KIF13A: variants seen among roughly 807,000 people sequenced by gnomAD.
The protein encoded by KIF13A is kinesin family member 13A.
In KIF13A, 79 loss-of-function variants were observed where a neutral mutation model predicts 212.2. The observed-to-expected ratio is 0.37, with a 90% confidence interval of 0.31 to 0.45. The LOEUF is 0.45. Ranked by LOEUF, KIF13A falls within the 20% of genes least tolerant of loss-of-function variation. The pLI is 1.00. For missense variants in KIF13A, 1,901 were observed against 2,209.0 expected (o/e 0.86, Z 2.79); for synonymous variants, 789 against 808.6 (o/e 0.98, Z 0.41).
At chr6:17,788,869 C>T (rs769075816) in intron 26 of KIF13A, among the ~76,000 whole-genome samples, 2 of 152,168 alleles carry the variant, frequency 1.3e-5, no homozygotes, top group Non-Finnish European at 2.9e-5. Context: ...GGATTATAGG[C>T]GCGCGCCACC....
Position 17,918,345 on chromosome 6 carries a change from C to T in KIF13A, c.147-20165G>A, listed in dbSNP as rs146992749. Among the ~76,000 whole-genome samples the T allele has an allele frequency of 4.8e-4, 73 of 152,198 alleles. No individual in the cohort carries two copies. The highest frequency in any genetic ancestry group is 3.4e-3 in the Middle Eastern group (1 of 294). On this transcript the variant is annotated intron_variant, in intron 2 of 38. Coordinates refer to ENST00000259711, the MANE Select transcript of KIF13A (RefSeq NM_022113.6). The surrounding 1 kb of genome is among the most constrained non-coding windows in gnomAD (Gnocchi z 4.8). ...TGTAGACCAAAAGAATGTAAATGTC[C>T]CACACTGCCATTTATGACAAGTTGT...
rs547636730 is a variant in KIF13A, at chr6:17,934,586, G to A, written c.147-36406C>T. On this transcript the variant is annotated intron_variant, in intron 2 of 38. Coordinates refer to ENST00000259711, the MANE Select transcript of KIF13A (RefSeq NM_022113.6). This position sits in a 1 kb window ranked among gnomAD's most constrained non-coding sequence, Gnocchi z 5.4. ...GAGGATCACTTGAGCCCAGAAATTC[G>A]AGACCAGCCTGGGCAACATAGGGAA... 7.9e-5 allele frequency among the ~76,000 whole-genome samples: 12 copies of A among 152,138 alleles called. No individual in the cohort carries two copies. The highest frequency in any genetic ancestry group is 1.9e-4 in the East Asian group (1 of 5,174).
chr6:17,899,957 T>C lies in KIF13A; in HGVS notation c.147-1777A>G, dbSNP rs1268606993. On this transcript the variant is annotated intron_variant, in intron 2 of 38. Transcript: ENST00000259711. The surrounding 1 kb of genome is among the most constrained non-coding windows in gnomAD (Gnocchi z 5.2). ...CAGGAAGGCCTCAGTTCTAAGAAGG[T>C]AGAACAATAATAAAACTTTATGAAC... is the stretch of plus-strand genomic sequence containing the variant. Among the ~76,000 whole-genome samples the C allele has an allele frequency of 1.3e-5, 2 of 152,192 alleles. No homozygotes were observed. Among genetic ancestry groups the C allele is most frequent in the African/African-American group, 2.4e-5 (1 of 41,446 alleles).
In KIF13A at chr6:17,926,053, A is replaced by G. The variant is rs1021996021; in HGVS notation, c.147-27873T>C. 1.3e-5 allele frequency among the ~76,000 whole-genome samples: 2 copies of G among 152,152 alleles called. No individual in the cohort carries two copies. The highest frequency in any genetic ancestry group is 2.9e-5 in the Non-Finnish European group (2 of 68,014). ...GCTGTATCTATGATGCTCTTATGTA[A>G]AATGCTCATCTTATAATGAAGATGT... On this transcript the variant is annotated intron_variant, in intron 2 of 38. Transcript: ENST00000259711. This position sits in a 1 kb window ranked among gnomAD's most constrained non-coding sequence, Gnocchi z 4.3.
chr6:17,917,198 C>A (rs1158908203), intron 2 of KIF13A, among the ~76,000 whole-genome samples: 1 of 147,830 alleles, frequency 6.8e-6, no homozygotes, highest in African/African-American at 2.5e-5. Flanking sequence ...GGAGGGGGAA[C>A]TAACATTATT....
chr6:17,917,146 ACACTTTACTCACATATTCTACTCTACG>A (rs1468509818), intron 2 of KIF13A, among the ~76,000 whole-genome samples: 2 of 151,984 alleles, frequency 1.3e-5, no homozygotes, highest in African/African-American at 2.4e-5. Flanking sequence ...TGATGCCAGA[ACACTTTACTCACATATTCTACTCTACG>A]GGAAGGAGGA....
rs199640302 is a variant in KIF13A at position 17,785,659 on chromosome 6, G to C, written c.3362-18C>G. The C allele has an allele frequency of 1.9e-6, 3 of 1,595,128 alleles. No individual in the cohort carries two copies. The highest frequency in any genetic ancestry group is 4.5e-5 in the East Asian group (2 of 44,204). On this transcript the variant is annotated intron_variant, in intron 27 of 38. Coordinates refer to ENST00000259711, the MANE Select transcript of KIF13A (RefSeq NM_022113.6). This position sits in a 1 kb window ranked among gnomAD's most constrained non-coding sequence, Gnocchi z 5.8. ...TGTTTTCTCTGCAGAAAAAAATGAG[G>C]AGATCAATGCCAACAAGAGAGAAAG...
At position 17,774,764 on chromosome 6, in the gene KIF13A, ACT is replaced by A. The variant is rs1759795156; in HGVS notation, c.4218+249_4218+250del. On this transcript the variant is annotated intron_variant, in intron 35 of 38. Coordinates refer to ENST00000259711, the MANE Select transcript of KIF13A (RefSeq NM_022113.6). ...CTCCAGCCTGGGTAACAAGAGTGAA[ACT>A]CTGTCTCAAAAAAAAAAAAAAAGAA... 2.0e-5 allele frequency among the ~76,000 whole-genome samples: 3 copies of A among 150,204 alleles called. No homozygotes were observed. In the South Asian group the frequency reaches 6.3e-4, roughly 32 times the overall value.
intron 2 of KIF13A, among the ~76,000 whole-genome samples, chr6:17,976,273 G>A (rs1453795785): frequency 6.6e-6 from 1 of 152,228 alleles, no homozygotes; most frequent in African/African-American, 2.4e-5. Context: ...CTGCACAGGA[G>A]CCCACGGAGC....
At chr6:17,867,069 T>A (rs890969994) in intron 4 of KIF13A, among the ~76,000 whole-genome samples, 2 of 152,042 alleles carry the variant, frequency 1.3e-5, no homozygotes, top group African/African-American at 4.8e-5. Context: ...GGGAGGCTAC[T>A]CTCTGGACTC....
At position 17,871,573 on chromosome 6, in the gene KIF13A, C is replaced by T. The variant is rs1280483453; in HGVS notation, c.220+1804G>A. The stretch of plus-strand genomic sequence containing the variant: ...GAATACTTAAAAAATTATTGTGAGA[C>T]TTTCTGGCTTCCTGAGTTATATGAG... On this transcript the variant is annotated intron_variant, in intron 4 of 38. Transcript: ENST00000259711. The surrounding 1 kb of genome is among the most constrained non-coding windows in gnomAD (Gnocchi z 4.4). 6.6e-6 allele frequency among the ~76,000 whole-genome samples: 1 copy of T among 152,110 alleles called. No homozygotes were observed. The highest frequency in any genetic ancestry group is 1.9e-4 in the East Asian group (1 of 5,202).
At chr6:17,814,534 A>G (rs1313585475) in intron 17 of KIF13A, among the ~76,000 whole-genome samples, 1 of 151,274 alleles carries the variant, frequency 6.6e-6, no homozygotes, top group Non-Finnish European at 1.5e-5. Context: ...GGCGTGAGCC[A>G]CCGCGCCCAG....
chr6:17,799,814 G>A lies in KIF13A; in HGVS notation c.2616+138C>T. The A allele has an allele frequency of 1.2e-6, 1 of 853,168 alleles. No homozygotes were observed. The highest frequency in any genetic ancestry group is 1.9e-6 in the Non-Finnish European group (1 of 538,702). 52.8% of individuals were successfully genotyped at this position (853,168 alleles called of 1,614,324 possible). ...AGTGTGCTATATTTCTGAAAACAAAGTACTGTCCACCACTGTATCTGCTGT... is the reference window on the plus strand; with the variant it reads ...AGTGTGCTATATTTCTGAAAACAAAATACTGTCCACCACTGTATCTGCTGT... On this transcript the variant is annotated intron_variant, in intron 21 of 38. Transcript: ENST00000259711. The surrounding 1 kb of genome is among the most constrained non-coding windows in gnomAD (Gnocchi z 4.4).
At chr6:17,784,591 G>A (rs1210218852) in intron 28 of KIF13A, among the ~76,000 whole-genome samples, 1 of 152,156 alleles carries the variant, frequency 6.6e-6, no homozygotes, top group African/African-American at 2.4e-5. Flanking sequence ...AACTAGGGAT[G>A]ACACCCAGGC....
chr6:17,821,207 G>T (rs1764402403), intron 16 of KIF13A, among the ~76,000 whole-genome samples: 1 of 152,064 alleles, frequency 6.6e-6, no homozygotes, highest in Non-Finnish European at 1.5e-5. Flanking sequence ...AAAAAGAGAT[G>T]ATTCTTATTT....
rs903499637 is a variant in KIF13A at position 17,926,484 on chromosome 6, G to A, written c.147-28304C>T. Among the ~76,000 whole-genome samples, 11 of 152,042 alleles carry A rather than the reference G, an allele frequency of 7.2e-5. No homozygotes were observed. The highest frequency in any genetic ancestry group is 2.2e-4 in the African/African-American group (9 of 41,392). The stretch of plus-strand genomic sequence containing the variant: ...CAGCCTCAAGTGATCTGCCTGCCTC[G>A]GCCTCCCAAAGTGCTGGTATTACAG... On this transcript the variant is annotated intron_variant, in intron 2 of 38. Transcript: ENST00000259711. This position sits in a 1 kb window ranked among gnomAD's most constrained non-coding sequence, Gnocchi z 4.3.
Position 17,898,083 on chromosome 6 carries a change from G to T in KIF13A, c.159+85C>A. On this transcript the variant is annotated intron_variant, in intron 3 of 38. Transcript: ENST00000259711. This position sits in a 1 kb window ranked among gnomAD's most constrained non-coding sequence, Gnocchi z 5.2. Reference sequence around the variant, plus strand: ...GCTGTTTTCAGTTCTCAATGAGACAGATGTTCTACATGGGTTACAGTGATA... The same window carrying T: ...GCTGTTTTCAGTTCTCAATGAGACATATGTTCTACATGGGTTACAGTGATA... 8.0e-7 allele frequency: 1 copy of T among 1,256,660 alleles called. No homozygotes were observed. The highest frequency in any genetic ancestry group is 1.1e-6 in the Non-Finnish European group (1 of 875,740). The allele number at this position is 1,256,660 out of a possible 1,614,324, so 77.8% of individuals were successfully genotyped here.
At chr6:17,881,650 T>C (rs979508110) in intron 3 of KIF13A, 7 of 349,896 alleles carry the variant, frequency 2.0e-5, no homozygotes, top group Non-Finnish European at 3.9e-5. Context: ...TGAGCTGCGA[T>C]TGCGCCACTG....
chr6:17,938,948 C>T (rs897225660), intron 2 of KIF13A, among the ~76,000 whole-genome samples: 3 of 151,934 alleles, frequency 2.0e-5, no homozygotes, highest in African/African-American at 7.3e-5. Flanking sequence ...AATTTTCTAG[C>T]CTTGCATGTC....
Sources: gnomAD v4.1 joint callset for allele counts (sites outside exome capture counted in the v4.1 genomes callset) on GRCh38, gnomAD v4.1.1 for gene constraint, Gnocchi (gnomAD v3.1) non-coding constraint, MANE v1.5 for transcripts, NCBI Gene and HGNC (gene_info 2026-07-23, HGNC 2026-07-21) for gene names.